The following MAST4 variants were observed in gnomAD, a reference collection of about 807,000 sequenced individuals.
The protein encoded by MAST4 is microtubule-associated serine/threonine-protein kinase 4.
A neutral mutation model predicts 162.7 loss-of-function variants in MAST4; 89 were observed. The ratio of observed to expected loss-of-function variants is 0.55; its 90% CI spans 0.46 to 0.65. The LOEUF (loss-of-function observed/expected upper bound fraction) is 0.65. MAST4 is among the 30% of genes least tolerant of loss of function. MAST4 has a pLI of 0.00. For synonymous variants in MAST4, 1,479 were observed against 1,361.1 expected (o/e 1.09, Z -1.91); for missense variants, 3,153 against 3,374.0 (o/e 0.93, Z 1.62).
chr5:67,027,574 A>G (rs1344697175), intron 4 of MAST4, among the ~76,000 whole-genome samples: 2 of 152,202 alleles, frequency 1.3e-5, no homozygotes, highest in African/African-American at 4.8e-5. Flanking sequence ...TCTTCTGATA[A>G]TTCCAAATAT....
At chr5:67,152,567 G>A (rs994151737) in intron 24 of MAST4, 70 bp from the exon 25 acceptor site, 1 of 1,267,632 alleles carries the variant, frequency 7.9e-7, no homozygotes, top group Non-Finnish European at 1.1e-6. Context: ...AAGGCTCATG[G>A]GGTGAGGGTT....
At chr5:67,084,918 G>A (rs1057363750) in intron 5 of MAST4, among the ~76,000 whole-genome samples, 2 of 152,106 alleles carry the variant, frequency 1.3e-5, no homozygotes, top group African/African-American at 2.4e-5. Context: ...AAATTGTAAC[G>A]GGATTCTTAA....
intron 1 of MAST4, among the ~76,000 whole-genome samples, chr5:66,755,945 T>TG (rs1031244480): frequency 1.5e-4 from 23 of 152,286 alleles, no homozygotes; most frequent in African/African-American, 5.3e-4. Flanking sequence ...ATATAATGGG[T>TG]GGGGGCAGTA....
chr5:67,043,153 A>G (rs766816956), intron 4 of MAST4, among the ~76,000 whole-genome samples: 1 of 152,022 alleles, frequency 6.6e-6, no homozygotes, highest in Non-Finnish European at 1.5e-5. Context: ...GAAGGAAGAG[A>G]CCCTTTTATT....
In MAST4 at chr5:67,165,772, C is replaced by T. The variant is rs752429440; in HGVS notation, c.6593C>T (p.Pro2198Leu). 8.7e-6 allele frequency: 14 copies of T among 1,602,272 alleles called. No homozygotes were observed. Among genetic ancestry groups the T allele is most frequent in the Non-Finnish European group, 1.2e-5 (14 of 1,174,772 alleles). Residue 2198 changes from proline (P) to leucine (L), a missense_variant, in exon 29 of 29, where the codon CCT becomes CTT. By Grantham distance (98) the Pro-to-Leu change is moderately conservative (BLOSUM62 -3). Coordinates refer to ENST00000403625, the MANE Select transcript of MAST4 (RefSeq NM_001164664.2). ...ESSSHKPRPG[P>L]DPGPPKTKHP... is the part of the protein sequence containing the mutation. ...AGCAGCCACAAGCCCCGGCCTGGCC[C>T]TGACCCGGGCCCTCCAAAGACTAAG...
chr5:66,795,258 G>C (rs1580468236), intron 3 of MAST4, among the ~76,000 whole-genome samples: 1 of 152,132 alleles, frequency 6.6e-6, no homozygotes, highest in South Asian at 2.1e-4. Flanking sequence ...CAATTTAAAG[G>C]CTGCATAATA....
At chr5:66,904,068 T>C (rs1258108345) in intron 4 of MAST4, among the ~76,000 whole-genome samples, 1 of 152,234 alleles carries the variant, frequency 6.6e-6, no homozygotes, top group Admixed American at 6.5e-5. Context: ...TTTATGAAAG[T>C]GCCATTATTG....
chr5:66,651,644 G>A (rs902438576), intron 1 of MAST4, among the ~76,000 whole-genome samples: 10 of 152,004 alleles, frequency 6.6e-5, no homozygotes, highest in African/African-American at 2.4e-4. Context: ...GCTTTAAACA[G>A]CATTATCTGC....
intron 1 of MAST4, among the ~76,000 whole-genome samples, chr5:66,627,535 T>G (rs1251213551): frequency 6.6e-6 from 1 of 152,198 alleles, no homozygotes; most frequent in Non-Finnish European, 1.5e-5. Context: ...ATGACTTGCT[T>G]TAGAACATTG....
At chr5:66,720,642 C>G (rs1751144262) in intron 1 of MAST4, among the ~76,000 whole-genome samples, 1 of 151,886 alleles carries the variant, frequency 6.6e-6, no homozygotes, top group African/African-American at 2.4e-5. Flanking sequence ...TTTTATTGAT[C>G]TTTTCAAAGA....
At chr5:67,149,941 AT>A (rs1354141497) in intron 24 of MAST4, among the ~76,000 whole-genome samples, 1 of 152,118 alleles carries the variant, frequency 6.6e-6, no homozygotes, top group African/African-American at 2.4e-5. Context: ...TCTCTAGAGT[AT>A]GTATAATTTA....
intron 5 of MAST4, among the ~76,000 whole-genome samples, chr5:67,062,455 T>C (rs1759746425): frequency 6.6e-6 from 1 of 152,172 alleles, no homozygotes; most frequent in African/African-American, 2.4e-5. Context: ...CTTTGTTGTG[T>C]TTATTTTGTG....
At chr5:66,615,432 T>TA (rs1424543045) in intron 1 of MAST4, among the ~76,000 whole-genome samples, 1 of 152,148 alleles carries the variant, frequency 6.6e-6, no homozygotes, top group Non-Finnish European at 1.5e-5. Flanking sequence ...CACAACAGGC[T>TA]AGAGGCCCTT....
At chr5:66,999,934 T>G (rs964221027) in intron 4 of MAST4, among the ~76,000 whole-genome samples, 9 of 152,350 alleles carry the variant, frequency 5.9e-5, no homozygotes, top group African/African-American at 1.9e-4. Flanking sequence ...TGAGTGCAAA[T>G]TTGTTTAATA....
chr5:66,972,646 G>A (rs1236965618), intron 4 of MAST4, among the ~76,000 whole-genome samples: 3 of 152,110 alleles, frequency 2.0e-5, no homozygotes, highest in Non-Finnish European at 4.4e-5. Flanking sequence ...AGTCTGAGCC[G>A]CTGCCATTTA....
rs769340548 is a variant in MAST4, at chr5:67,166,446, G to T, written c.7267G>T (p.Gly2423Cys). 5 of 1,602,194 alleles carry T rather than the reference G, an allele frequency of 3.1e-6. No individual in the cohort carries two copies. The highest frequency in any genetic ancestry group is 4.3e-6 in the Non-Finnish European group (5 of 1,174,076). Residue 2423 changes from glycine to cysteine, a missense_variant, in exon 29 of 29, where the codon GGT becomes TGT. By Grantham distance (159) the Gly-to-Cys change is radical. This residue lies in a region of MAST4 where 1,644 missense variants were observed against 1,495.0 expected (regional missense o/e 1.10). Transcript: ENST00000403625. ...GFPEARGKGP[G>C]PQKPPTEADK... ...CCCTGAGGCCAGAGGGAAAGGGCCC[G>T]GTCCCCAGAAGCCACCGACGGAGGC...
At chr5:67,032,770 A>G (rs561866659) in intron 4 of MAST4, among the ~76,000 whole-genome samples, 77 of 152,270 alleles carry the variant, frequency 5.1e-4, no homozygotes, top group African/African-American at 4.3e-4. Context: ...GAACAACAGA[A>G]TTCAAAACCC....
chr5:66,922,547 T>C (rs1764608236), intron 4 of MAST4, among the ~76,000 whole-genome samples: 3 of 152,206 alleles, frequency 2.0e-5, no homozygotes, highest in African/African-American at 7.2e-5. Context: ...CGTTTTCTGC[T>C]GTCATTTCTG....
intron 1 of MAST4, among the ~76,000 whole-genome samples, chr5:66,617,477 T>C (rs1743771948): frequency 7.4e-6 from 1 of 134,946 alleles, no homozygotes; most frequent in Non-Finnish European, 1.6e-5. Flanking sequence ...GAAGGGTTAT[T>C]TTTTTTTTTC....
Sources: gnomAD v4.1 joint callset for allele counts (sites outside exome capture counted in the v4.1 genomes callset) on GRCh38, gnomAD v4.1.1 for gene constraint, gnomAD v4.1.1 regional missense constraint, MANE v1.5 for transcripts, NCBI Gene and HGNC (gene_info 2026-07-23, HGNC 2026-07-21) for gene names.